The following NEGR1 variants were observed in gnomAD, a reference collection of about 807,000 sequenced individuals.
NEGR1 encodes the protein IgLON family member 4.
NEGR1 carries 10 observed loss-of-function variants against 40.9 expected under a neutral mutation model. That is an observed-to-expected ratio of 0.24 (90% CI 0.15 to 0.42). The LOEUF is 0.42. NEGR1 is among the 10% of genes least tolerant of loss of function. The pLI is 1.00. For missense variants in NEGR1, 352 were observed against 438.9 expected (o/e 0.80, Z 1.77); for synonymous variants, 185 against 166.8 (o/e 1.11, Z -0.84).
intron 6 of NEGR1, among the ~76,000 whole-genome samples, chr1:71,490,948 G>A (rs1366897455): frequency 1.3e-5 from 2 of 151,932 alleles, no homozygotes; most frequent in East Asian, 3.9e-4. Flanking sequence ...TTTCCATGAT[G>A]TGCAGTCCAA....
rs528973873 is a variant in NEGR1, at chr1:71,744,845, A to C, written c.535+31327T>G. Among the ~76,000 whole-genome samples, 11 of 152,368 alleles carry C rather than the reference A, an allele frequency of 7.2e-5. No individual in the cohort carries two copies. In the South Asian group the frequency reaches 1.9e-3, roughly 26 times the overall value. ...AATAATCATCCCAAGTTAATGAACT[A>C]AATTTACTTTACAAAGAAATAGTTT... On this transcript the variant is annotated intron_variant, in intron 3 of 6. Coordinates refer to ENST00000357731, the MANE Select transcript of NEGR1 (RefSeq NM_173808.3).
At chr1:71,543,105 A>G (rs914024302) in intron 6 of NEGR1, among the ~76,000 whole-genome samples, 14 of 151,690 alleles carry the variant, frequency 9.2e-5, no homozygotes, top group African/African-American at 3.4e-4. Flanking sequence ...CTGTTTTACT[A>G]TTTTATTCTC....
At position 71,472,834 on chromosome 1, in the gene NEGR1, T is replaced by G. The variant is rs578159139; in HGVS notation, c.941-65264A>C. Among the ~76,000 whole-genome samples the G allele has an allele frequency of 5.3e-5, 8 of 151,916 alleles. No individual in the cohort carries two copies. The South Asian group carries it at 1.7e-3, about 32-fold the overall frequency. On this transcript the variant is annotated intron_variant, in intron 6 of 6. Transcript: ENST00000357731. ...ATTATAAAACATAAATAGGCAGAAATAAAATTAAAAGTATACATATAAAAT... is the reference window on the plus strand; with the variant it reads ...ATTATAAAACATAAATAGGCAGAAAGAAAATTAAAAGTATACATATAAAAT...
intron 6 of NEGR1, among the ~76,000 whole-genome samples, chr1:71,565,000 TC>T (rs1648571514): frequency 6.6e-6 from 1 of 152,146 alleles, no homozygotes; most frequent in South Asian, 2.1e-4. Flanking sequence ...CAATTAGATA[TC>T]ATTAGGTAAG....
intron 1 of NEGR1, among the ~76,000 whole-genome samples, chr1:72,189,549 T>A (rs969403452): frequency 6.6e-6 from 1 of 151,558 alleles, no homozygotes; most frequent in Non-Finnish European, 1.5e-5. Flanking sequence ...TAAGGAACTC[T>A]TAAATGCTTG....
At chr1:71,743,326 T>C (rs1471304379) in intron 3 of NEGR1, among the ~76,000 whole-genome samples, 1 of 151,634 alleles carries the variant, frequency 6.6e-6, no homozygotes, top group Non-Finnish European at 1.5e-5. Flanking sequence ...GTGAAGATAG[T>C]ACATCAATCT....
chr1:71,513,088 T>C (rs1647088337), intron 6 of NEGR1, among the ~76,000 whole-genome samples: 3 of 152,190 alleles, frequency 2.0e-5, no homozygotes, highest in Admixed American at 2.0e-4. Context: ...GATACAATTA[T>C]AGATACAATT....
At chr1:71,655,807 G>A (rs1304495759) in intron 4 of NEGR1, among the ~76,000 whole-genome samples, 1 of 152,134 alleles carries the variant, frequency 6.6e-6, no homozygotes, top group Admixed American at 6.6e-5. Flanking sequence ...AGTTGTGAAA[G>A]GCATCACAGA....
intron 1 of NEGR1, among the ~76,000 whole-genome samples, chr1:72,103,609 A>G (rs1035015876): frequency 6.6e-5 from 10 of 152,126 alleles, no homozygotes; most frequent in African/African-American, 2.4e-4. Context: ...TCTGGATTTA[A>G]TTTTGTGTTA....
chr1:71,436,718 TC>T (rs1009155929), intron 6 of NEGR1, among the ~76,000 whole-genome samples: 10 of 152,140 alleles, frequency 6.6e-5, no homozygotes, highest in African/African-American at 2.4e-4. Flanking sequence ...TATTTTCCCC[TC>T]CTAAGCCTAT....
At chr1:71,754,724 C>T (rs1655676792) in intron 3 of NEGR1, among the ~76,000 whole-genome samples, 1 of 151,222 alleles carries the variant, frequency 6.6e-6, no homozygotes, top group African/African-American at 2.4e-5. Flanking sequence ...CAGAAAGGAT[C>T]TCCATGCTGC....
intron 3 of NEGR1, among the ~76,000 whole-genome samples, chr1:71,761,640 C>T (rs1343325565): frequency 6.6e-6 from 1 of 152,070 alleles, no homozygotes; most frequent in Non-Finnish European, 1.5e-5. Flanking sequence ...CTATGTGGCC[C>T]TTTTAAGGCT....
intron 1 of NEGR1, among the ~76,000 whole-genome samples, chr1:72,208,122 A>G (rs927548790): frequency 6.6e-6 from 1 of 151,736 alleles, no homozygotes; most frequent in African/African-American, 2.4e-5. Flanking sequence ...AGTACACATT[A>G]AAGAATGTAT....
chr1:71,903,309 TTA>T (rs2101865574), intron 2 of NEGR1, among the ~76,000 whole-genome samples: 1 of 152,108 alleles, frequency 6.6e-6, no homozygotes, highest in East Asian at 1.9e-4. Flanking sequence ...TAAATAAATT[TTA>T]TGTTTATGCA....
At chr1:71,823,992 C>CT (rs1658528527) in intron 2 of NEGR1, among the ~76,000 whole-genome samples, 1 of 151,950 alleles carries the variant, frequency 6.6e-6, no homozygotes, top group African/African-American at 2.4e-5. Context: ...TTGTGAGTGT[C>CT]TACAGAAGCA....
intron 4 of NEGR1, among the ~76,000 whole-genome samples, chr1:71,663,287 T>C (rs1262853324): frequency 1.3e-5 from 2 of 152,174 alleles, no homozygotes; most frequent in Non-Finnish European, 2.9e-5. Context: ...TGGTTACGTG[T>C]GCAACTTGAA....
intron 5 of NEGR1, among the ~76,000 whole-genome samples, chr1:71,599,491 G>A (rs1448840584): frequency 1.3e-5 from 2 of 152,126 alleles, no homozygotes; most frequent in South Asian, 2.1e-4. Context: ...AGAGAGAAAC[G>A]AAAATTTATG....
chr1:71,863,138 C>T (rs1470788622), intron 2 of NEGR1, among the ~76,000 whole-genome samples: 2 of 152,104 alleles, frequency 1.3e-5, no homozygotes, highest in Non-Finnish European at 2.9e-5. Context: ...GTTATAAAGA[C>T]ACATGCATGC....
intron 1 of NEGR1, among the ~76,000 whole-genome samples, chr1:72,034,258 C>T (rs1255849090): frequency 6.6e-6 from 1 of 152,182 alleles, no homozygotes; most frequent in Non-Finnish European, 1.5e-5. Context: ...TGTTACTTCC[C>T]TGTAGTACTG....
Sources: gnomAD v4.1 joint callset for allele counts (sites outside exome capture counted in the v4.1 genomes callset) on GRCh38, gnomAD v4.1.1 for gene constraint, MANE v1.5 for transcripts, NCBI Gene and HGNC (gene_info 2026-07-23, HGNC 2026-07-21) for gene names.